NUBPL: variants seen among roughly 807,000 people sequenced by gnomAD.
NUBPL encodes NUBP iron-sulfur cluster assembly factor, mitochondrial.
Under a neutral mutation model 45.7 loss-of-function variants are expected in NUBPL, and 31 were observed. The ratio of observed to expected loss-of-function variants is 0.68; its 90% CI spans 0.51 to 0.92. The LOEUF (loss-of-function observed/expected upper bound fraction) is 0.92, where lower values mean the gene tolerates loss of function less well. Ranked by LOEUF, NUBPL falls within the 40% of genes least tolerant of loss-of-function variation. The pLI, the probability that NUBPL is intolerant of heterozygous loss-of-function variation, is 0.00. For synonymous variants in NUBPL, 144 were observed against 140.9 expected, an observed-to-expected ratio of 1.02 and a Z score of -0.15; for missense variants, 401 against 398.7, an observed-to-expected ratio of 1.01 and a Z score of -0.05.
rs138593809 is a variant in NUBPL, at chr14:31,611,791, G to A, written c.382+12412G>A. ...ACACACCTGCAGTGAATTCATTTTCGACAAAGTTTCCAAGAGCATACAGTG... is the reference window on the plus strand; with the variant it reads ...ACACACCTGCAGTGAATTCATTTTCAACAAAGTTTCCAAGAGCATACAGTG... On this transcript the variant is annotated intron_variant, in intron 4 of 10. Coordinates refer to ENST00000281081, the MANE Select transcript of NUBPL (RefSeq NM_025152.3). Among the ~76,000 whole-genome samples the A allele has an allele frequency of 7.2e-5, 11 of 152,246 alleles. No individual in the cohort carries two copies. In the South Asian group the frequency reaches 1.5e-3, roughly 20 times the overall value.
intron 7 of NUBPL, among the ~76,000 whole-genome samples, chr14:31,802,453 T>C (rs2039610493): frequency 6.6e-6 from 1 of 152,062 alleles, no homozygotes; most frequent in East Asian, 1.9e-4. Context: ...TTTTTTTGTA[T>C]TTTTAGTAGA....
In NUBPL at chr14:31,840,101, G is replaced by A. The variant is rs1046992412; in HGVS notation, c.694-6370G>A. 4.6e-5 allele frequency among the ~76,000 whole-genome samples: 7 copies of A among 152,242 alleles called. No homozygotes were observed. The East Asian group carries it at 1.4e-3, about 29-fold the overall frequency. On this transcript the variant is annotated intron_variant, in intron 8 of 10. Transcript: ENST00000281081. Reference sequence around the variant, plus strand: ...CATATGATCCTACAGTCCCACTGCTGGGAATATATCCAAAGGAACCGAAAT... The same window carrying A: ...CATATGATCCTACAGTCCCACTGCTAGGAATATATCCAAAGGAACCGAAAT...
chr14:31,809,027 T>C (rs2039747125), intron 7 of NUBPL, among the ~76,000 whole-genome samples: 1 of 152,224 alleles, frequency 6.6e-6, no homozygotes, highest in African/African-American at 2.4e-5. Context: ...GCCAGTATTT[T>C]ATTGAGGATT....
intron 7 of NUBPL, among the ~76,000 whole-genome samples, chr14:31,811,485 T>G (rs1015225746): frequency 5.9e-5 from 9 of 152,324 alleles, no homozygotes; most frequent in Non-Finnish European, 1.3e-4. Flanking sequence ...ACTTAAGGTC[T>G]TCTCTGCACT....
chr14:31,746,484 A>C (rs2038402723), intron 6 of NUBPL, among the ~76,000 whole-genome samples: 1 of 152,000 alleles, frequency 6.6e-6, no homozygotes, highest in African/African-American at 2.4e-5. Context: ...GTGATGTGTC[A>C]CAATTTGATA....
chr14:31,799,198 G>C (rs141139625), intron 7 of NUBPL, among the ~76,000 whole-genome samples: 134 of 152,124 alleles, frequency 8.8e-4, no homozygotes, highest in South Asian at 2.1e-3. Context: ...AGAGAATTTT[G>C]ATATTAGCTA....
At chr14:31,787,676 C>T (rs1488494837) in intron 6 of NUBPL, 104 bp from the exon 7 acceptor site, 10 of 790,524 alleles carry the variant, frequency 1.3e-5, no homozygotes, top group East Asian at 2.7e-5. Context: ...ATGGCTCAAG[C>T]GATAGCTATG....
chr14:31,832,461 GA>G (rs1252190009), intron 8 of NUBPL, among the ~76,000 whole-genome samples: 1 of 152,128 alleles, frequency 6.6e-6, no homozygotes, highest in Non-Finnish European at 1.5e-5. Flanking sequence ...AGCTCAGGTA[GA>G]CAACAAACTA....
intron 4 of NUBPL, among the ~76,000 whole-genome samples, chr14:31,651,890 C>A (rs559327696): frequency 1.6e-4 from 22 of 141,572 alleles, no homozygotes; most frequent in Non-Finnish European, 2.8e-4. Flanking sequence ...CAGAGCGAGA[C>A]TCTGTCTCAA....
At chr14:31,692,122 T>C (rs1219878803) in intron 6 of NUBPL, among the ~76,000 whole-genome samples, 1 of 152,236 alleles carries the variant, frequency 6.6e-6, no homozygotes. Context: ...TTTATCAGTA[T>C]GTGTTGCTTT....
chr14:31,664,967 C>T (rs1038561474), intron 4 of NUBPL, among the ~76,000 whole-genome samples: 22 of 152,020 alleles, frequency 1.4e-4, no homozygotes, highest in Admixed American at 7.2e-4. Context: ...TGTATGTGTC[C>T]GGGAATTTAT....
chr14:31,580,869 A>G (rs1156358275), intron 3 of NUBPL, among the ~76,000 whole-genome samples: 1 of 152,216 alleles, frequency 6.6e-6, no homozygotes, highest in African/African-American at 2.4e-5. Flanking sequence ...GGGGAAAGGT[A>G]GATAGAGGCA....
intron 6 of NUBPL, among the ~76,000 whole-genome samples, chr14:31,766,810 G>A (rs921028259): frequency 2.6e-5 from 4 of 152,092 alleles, no homozygotes; most frequent in African/African-American, 4.8e-5. Flanking sequence ...CAGGAAGACC[G>A]AAGACCCCCA....
intron 4 of NUBPL, among the ~76,000 whole-genome samples, chr14:31,602,648 A>G (rs529548739): frequency 5.8e-4 from 89 of 152,288 alleles, no homozygotes; most frequent in African/African-American, 1.5e-3. Context: ...CCCCATATGT[A>G]AAATAGTTAC....
At position 31,659,318 on chromosome 14, in the gene NUBPL, T is replaced by C. The variant is rs188604247; in HGVS notation, c.383-14037T>C. Among the ~76,000 whole-genome samples, 167 of 152,330 alleles carry C rather than the reference T, an allele frequency of 1.1e-3. 2 individuals carry two copies. In the Middle Eastern group the frequency reaches 0.024, roughly 22 times the overall value. ...TGCCTGACAACTTGGAGATGACATA[T>C]AGTTTTCATCTTAAATACCAACTGA... On this transcript the variant is annotated intron_variant, in intron 4 of 10. Transcript: ENST00000281081.
chr14:31,694,952 A>G (rs1383632701), intron 6 of NUBPL, among the ~76,000 whole-genome samples: 1 of 152,248 alleles, frequency 6.6e-6, no homozygotes, highest in Admixed American at 6.5e-5. Context: ...TTGACTTGTA[A>G]TAATAAGCAA....
At chr14:31,735,095 A>G (rs2038136758) in intron 6 of NUBPL, among the ~76,000 whole-genome samples, 1 of 152,196 alleles carries the variant, frequency 6.6e-6, no homozygotes, top group Non-Finnish European at 1.5e-5. Flanking sequence ...AACTGTCCAT[A>G]GCAGCCTTAC....
At chr14:31,821,303 A>G (rs1026632078) in intron 7 of NUBPL, among the ~76,000 whole-genome samples, 6 of 152,222 alleles carry the variant, frequency 3.9e-5, no homozygotes, top group Admixed American at 3.3e-4. Context: ...CAAAGGATTT[A>G]TAACCAGAAT....
At chr14:31,715,761 G>T (rs1259552144) in intron 6 of NUBPL, among the ~76,000 whole-genome samples, 1 of 152,150 alleles carries the variant, frequency 6.6e-6, no homozygotes, top group Non-Finnish European at 1.5e-5. Context: ...GTACACTACT[G>T]TAGACTTTAT....
Sources: gnomAD v4.1 joint callset for allele counts (sites outside exome capture counted in the v4.1 genomes callset) on GRCh38, gnomAD v4.1.1 for gene constraint, MANE v1.5 for transcripts, NCBI Gene and HGNC (gene_info 2026-07-23, HGNC 2026-07-21) for gene names.